The following GRIN2A variants were observed in gnomAD, a reference collection of about 807,000 sequenced individuals.
GRIN2A encodes glutamate ionotropic receptor NMDA type subunit 2A.
A neutral mutation model predicts 113.4 loss-of-function variants in GRIN2A; 22 were observed. That is an observed-to-expected ratio of 0.19 (90% CI 0.14 to 0.28). The LOEUF (loss-of-function observed/expected upper bound fraction) is 0.28, where lower values mean the gene tolerates loss of function less well. Ranked by LOEUF, GRIN2A falls within the 10% of genes least tolerant of loss-of-function variation. GRIN2A has a pLI of 1.00. For missense variants in GRIN2A, 1,502 were observed against 1,887.0 expected, an observed-to-expected ratio of 0.80 and a Z score of 3.78; for synonymous variants, 827 against 738.4, an observed-to-expected ratio of 1.12 and a Z score of -1.94.
At chr16:10,025,758 T>A (rs1267157151) in intron 2 of GRIN2A, among the ~76,000 whole-genome samples, 1 of 152,090 alleles carries the variant, frequency 6.6e-6, no homozygotes, top group Non-Finnish European at 1.5e-5. Flanking sequence ...CCTCCCTATA[T>A]CGGCTGGCAG....
chr16:10,026,757 C>T (rs2046830548), intron 2 of GRIN2A, among the ~76,000 whole-genome samples: 1 of 152,168 alleles, frequency 6.6e-6, no homozygotes, highest in Admixed American at 6.5e-5. Flanking sequence ...ACACGCCAAA[C>T]AAGAACCAGG....
intron 4 of GRIN2A, among the ~76,000 whole-genome samples, chr16:9,886,459 G>C (rs754422728): frequency 4.6e-5 from 7 of 152,106 alleles, no homozygotes; most frequent in Non-Finnish European, 1.0e-4. Flanking sequence ...TTGCATGGTG[G>C]GCTACAGGGT....
At chr16:10,146,050 G>A (rs2142273625) in intron 2 of GRIN2A, among the ~76,000 whole-genome samples, 1 of 152,318 alleles carries the variant, frequency 6.6e-6, no homozygotes, top group Admixed American at 6.5e-5. Flanking sequence ...TTGGTGCCAG[G>A]TAGAAACACA....
At chr16:10,108,684 T>C (rs545351551) in intron 2 of GRIN2A, among the ~76,000 whole-genome samples, 43 of 152,214 alleles carry the variant, frequency 2.8e-4, no homozygotes, top group Middle Eastern at 3.2e-3. Context: ...CCCTAGTCTC[T>C]TAACCACTAT....
intron 11 of GRIN2A, among the ~76,000 whole-genome samples, chr16:9,793,356 A>G (rs892894591): frequency 2.0e-5 from 3 of 152,128 alleles, no homozygotes; most frequent in African/African-American, 7.2e-5. Context: ...TTTGACCTTT[A>G]TGGTCTTTCT....
At chr16:10,039,602 C>T (rs1258956985) in intron 2 of GRIN2A, among the ~76,000 whole-genome samples, 1 of 151,866 alleles carries the variant, frequency 6.6e-6, no homozygotes, top group African/African-American at 2.4e-5. Context: ...GCGGGAGGGA[C>T]CGGTGGCGTT....
chr16:10,019,484 T>C (rs1011256355), intron 2 of GRIN2A, among the ~76,000 whole-genome samples: 1 of 152,254 alleles, frequency 6.6e-6, no homozygotes, highest in African/African-American at 2.4e-5. Context: ...TAAAATTGTA[T>C]TTCTAAGCAG....
chr16:10,175,342 T>C (rs576187842), intron 2 of GRIN2A, among the ~76,000 whole-genome samples: 1 of 152,268 alleles, frequency 6.6e-6, no homozygotes, highest in South Asian at 2.1e-4. Context: ...TGAGATTTTC[T>C]CCAGAATTAA....
rs563465228 is a variant in GRIN2A, at chr16:9,975,489, C to T, written c.415-36938G>A. On this transcript the variant is annotated intron_variant, in intron 2 of 12. Coordinates refer to ENST00000330684, the MANE Select transcript of GRIN2A (RefSeq NM_001134407.3). ...CATGGAAAGCATGAGAAAGAAGTCT[C>T]TAGGAGCAAAGACCAGCCTGCCATC... is the stretch of plus-strand genomic sequence containing the variant. 2.0e-5 allele frequency among the ~76,000 whole-genome samples: 3 copies of T among 152,290 alleles called. No homozygotes were observed. The East Asian group carries it at 5.8e-4, about 29-fold the overall frequency.
In GRIN2A at chr16:9,756,759, T is replaced by A. The variant is rs759902842; in HGVS notation, c.*6390A>T. ...AATTCAGGTGCAGATCCATGGCAAG[T>A]ACTTGCGATAAGCAGAAAATGTAAC... On this transcript the variant is annotated 3_prime_UTR_variant, in exon 13 of 13. Transcript: ENST00000330684. 6.6e-5 allele frequency: 12 copies of A among 182,872 alleles called. No homozygotes were observed. Among genetic ancestry groups the A allele is most frequent in the South Asian group, 2.0e-4 (1 of 5,088 alleles). 11.3% of individuals were successfully genotyped at this position (182,872 alleles called of 1,614,324 possible). A position where few individuals can be genotyped will look rare whatever the true frequency, so the allele number is the denominator to read the frequency against.
intron 4 of GRIN2A, among the ~76,000 whole-genome samples, chr16:9,880,841 C>T (rs1038369488): frequency 5.3e-5 from 8 of 152,172 alleles, no homozygotes; most frequent in African/African-American, 1.9e-4. Context: ...GATTCTTCTG[C>T]CTCCCTATAA....
rs1277250109 is a variant in GRIN2A, at chr16:9,755,132, G to A, written c.*8017C>T. Reference sequence around the variant, plus strand: ...GCAAACTCATTGTTTCACTGACATAGTAAGTAAGAGAATTATGAGTGATAA... The same window carrying A: ...GCAAACTCATTGTTTCACTGACATAATAAGTAAGAGAATTATGAGTGATAA... On this transcript the variant is annotated 3_prime_UTR_variant, in exon 13 of 13. Transcript: ENST00000330684. 5 of 196,624 alleles carry A rather than the reference G, an allele frequency of 2.5e-5. No individual in the cohort carries two copies. Among genetic ancestry groups the A allele is most frequent in the Non-Finnish European group, 5.3e-5 (5 of 94,830 alleles). 12.2% of individuals were successfully genotyped at this position (196,624 alleles called of 1,614,324 possible). A position where few individuals can be genotyped will look rare whatever the true frequency, so the allele number is the denominator to read the frequency against.
At chr16:9,993,000 G>C (rs1443150494) in intron 2 of GRIN2A, among the ~76,000 whole-genome samples, 1 of 152,064 alleles carries the variant, frequency 6.6e-6, no homozygotes, top group Admixed American at 6.5e-5. Flanking sequence ...TGGATCACTT[G>C]AGGTCAGGAG....
rs1471065536 is a variant in GRIN2A at position 10,180,791 on chromosome 16, C to T, written c.-18-362G>A. ...AGCGCCGCGCGTGTTCTGTACCCCA[C>T]CAAGCTCCTAGGTGCACAGAATAAA... On this transcript the variant is annotated intron_variant, in intron 1 of 12. Transcript: ENST00000330684. This position sits in a 1 kb window ranked among gnomAD's most constrained non-coding sequence, Gnocchi z 7.0. The T allele has an allele frequency of 2.5e-6, 1 of 404,000 alleles. No homozygotes were observed. Among genetic ancestry groups the T allele is most frequent in the East Asian group, 5.2e-5 (1 of 19,266 alleles). 25.0% of individuals were successfully genotyped at this position (404,000 alleles called of 1,614,324 possible). A position where few individuals can be genotyped will look rare whatever the true frequency, so the allele number is the denominator to read the frequency against.
chr16:10,075,157 G>A (rs141931648), intron 2 of GRIN2A, among the ~76,000 whole-genome samples: 6 of 151,984 alleles, frequency 3.9e-5, no homozygotes, highest in African/African-American at 7.3e-5. Context: ...TCTGCATGTC[G>A]GGGAATATAA....
At chr16:9,852,764 C>T (rs573969589) in intron 4 of GRIN2A, among the ~76,000 whole-genome samples, 1 of 152,310 alleles carries the variant, frequency 6.6e-6, no homozygotes. Flanking sequence ...GGAGAACAGA[C>T]ATTCTTCACT....
At chr16:9,835,827 C>G (rs2042575389) in intron 7 of GRIN2A, among the ~76,000 whole-genome samples, 1 of 152,036 alleles carries the variant, frequency 6.6e-6, no homozygotes, top group Admixed American at 6.6e-5. Context: ...TAACAAGAAA[C>G]TAATATGTCC....
rs141534493 is a variant in GRIN2A, at chr16:9,794,312, T to C, written c.2356+3965A>G. Among the ~76,000 whole-genome samples the C allele has an allele frequency of 3.6e-3, 545 of 152,336 alleles. 14 individuals carry two copies. Among genetic ancestry groups the C allele is most frequent in the Admixed American group, 0.032 (486 of 15,292 alleles). On this transcript the variant is annotated intron_variant, in intron 11 of 12. Coordinates refer to ENST00000330684, the MANE Select transcript of GRIN2A (RefSeq NM_001134407.3). ...CACAGCTCATTAGGAAAATTTTTTATACTTTTGACACTCATTAGACTCATA... is the reference window on the plus strand; with the variant it reads ...CACAGCTCATTAGGAAAATTTTTTACACTTTTGACACTCATTAGACTCATA...
chr16:10,133,533 G>A (rs896670678), intron 2 of GRIN2A, among the ~76,000 whole-genome samples: 25 of 152,318 alleles, frequency 1.6e-4, no homozygotes, highest in African/African-American at 5.8e-4. Context: ...CTTGAACCCG[G>A]GAGGTGGAGG....
Sources: gnomAD v4.1 joint callset for allele counts (sites outside exome capture counted in the v4.1 genomes callset) on GRCh38, gnomAD v4.1.1 for gene constraint, Gnocchi (gnomAD v3.1) non-coding constraint, MANE v1.5 for transcripts, NCBI Gene and HGNC (gene_info 2026-07-23, HGNC 2026-07-21) for gene names.